HACL2: variants seen among roughly 807,000 people sequenced by gnomAD.
The protein encoded by HACL2 is 2-hydroxyacyl-CoA lyase 1 like.
chr19:15,117,964 C>T, the HACL2 span: 1 of 1,614,072 alleles, frequency 6.2e-7, no homozygotes. Context: ...GATGATCTTG[C>T]TGCTGTGGCT....
At chr19:15,125,561 G>A in the HACL2 span, 3 of 157,358 alleles carry the variant, frequency 1.9e-5, no homozygotes, top group South Asian at 1.7e-4. Flanking sequence ...GCACGGGCCC[G>A]AGCCTGATCC....
At chr19:15,119,968 G>A in the HACL2 span, 1 of 1,535,524 alleles carries the variant, frequency 6.5e-7, no homozygotes, top group Non-Finnish European at 8.8e-7. Flanking sequence ...AGACACAAAA[G>A]AGAGGCAATT....
chr19:15,122,520 A>G, the HACL2 span, among the ~76,000 whole-genome samples: 6 of 152,018 alleles, frequency 3.9e-5, no homozygotes, highest in Non-Finnish European at 7.4e-5. This position sits in a 1 kb window ranked among gnomAD's most constrained non-coding sequence, Gnocchi z 4.0. Flanking sequence ...CTACCCACCC[A>G]GTTCATTCCT....
chr19:15,122,818 G>A, the HACL2 span: 1 of 1,614,010 alleles, frequency 6.2e-7, no homozygotes, highest in Non-Finnish European at 8.5e-7. This position sits in a 1 kb window ranked among gnomAD's most constrained non-coding sequence, Gnocchi z 4.0. Flanking sequence ...CAGGGACAGG[G>A]AGGACGCTGA....
the HACL2 span, among the ~76,000 whole-genome samples, chr19:15,118,849 C>T: frequency 1.3e-5 from 2 of 152,216 alleles, no homozygotes; most frequent in African/African-American, 4.8e-5. Context: ...TGGATCAGCA[C>T]AGCTGCCTTC....
At chr19:15,125,292 G>C in the HACL2 span, 13 of 562,636 alleles carry the variant, frequency 2.3e-5, no homozygotes, top group Non-Finnish European at 3.8e-5. Flanking sequence ...GCTAGCCCCA[G>C]TCCTTTACAT....
At chr19:15,116,127 G>A in the HACL2 span, 1 of 1,613,136 alleles carries the variant, frequency 6.2e-7, no homozygotes, top group Non-Finnish European at 8.5e-7. Context: ...GGTGCCCACT[G>A]CCCCAGGCGG....
At chr19:15,125,761 G>C in the HACL2 span, 6 of 152,268 alleles carry the variant, frequency 3.9e-5, no homozygotes, top group African/African-American at 1.4e-4. Flanking sequence ...GCTCAGCGGC[G>C]CCCCGTAGTC....
chr19:15,119,200 C>G, the HACL2 span: 1 of 1,598,790 alleles, frequency 6.3e-7, no homozygotes, highest in Non-Finnish European at 8.5e-7. Context: ...TCTTCAGGGC[C>G]GCACTGCGGT....
the HACL2 span, chr19:15,118,043 G>T: frequency 6.2e-7 from 1 of 1,613,418 alleles, no homozygotes; most frequent in Non-Finnish European, 8.5e-7. Context: ...AATGCAGTAG[G>T]CAGAGGCCCC....
the HACL2 span, chr19:15,119,036 C>A: frequency 9.6e-7 from 1 of 1,046,222 alleles, no homozygotes; most frequent in Non-Finnish European, 1.3e-6. Context: ...GGGTTCAAAG[C>A]GCTTTATGTG....
the HACL2 span, chr19:15,118,116 C>G: frequency 2.7e-6 from 4 of 1,472,098 alleles, no homozygotes; most frequent in Non-Finnish European, 2.8e-6. Context: ...CTGTTCCTCA[C>G]CGAGTCTCCC....
chr19:15,120,806 G>A, the HACL2 span, among the ~76,000 whole-genome samples: 5 of 152,120 alleles, frequency 3.3e-5, no homozygotes, highest in Non-Finnish European at 4.4e-5. Flanking sequence ...GGGAAGCCCC[G>A]CAAGTAAAGA....
chr19:15,120,367 G>A, the HACL2 span, among the ~76,000 whole-genome samples: 1 of 152,216 alleles, frequency 6.6e-6, no homozygotes, highest in Non-Finnish European at 1.5e-5. Flanking sequence ...CAACAGATGT[G>A]AGCTCAAGTC....
At chr19:15,118,089 T>C in the HACL2 span, 9 of 1,569,838 alleles carry the variant, frequency 5.7e-6, no homozygotes, top group Admixed American at 1.5e-4. Flanking sequence ...TGTGGTGGAC[T>C]GGATGCAAAT....
the HACL2 span, among the ~76,000 whole-genome samples, chr19:15,122,535 C>T: frequency 6.6e-6 from 1 of 152,146 alleles, no homozygotes; most frequent in Admixed American, 6.5e-5. The surrounding 1 kb of genome is among the most constrained non-coding windows in gnomAD (Gnocchi z 4.0). Context: ...ATTCCTGCCT[C>T]AGGACCTTTG....
At chr19:15,123,111 G>C in the HACL2 span, 2 of 1,613,366 alleles carry the variant, frequency 1.2e-6, no homozygotes, top group African/African-American at 2.7e-5. This position sits in a 1 kb window ranked among gnomAD's most constrained non-coding sequence, Gnocchi z 5.1. Context: ...CCAAGGACTG[G>C]GTACCTGCAG....
At chr19:15,120,458 A>G in the HACL2 span, among the ~76,000 whole-genome samples, 6 of 152,190 alleles carry the variant, frequency 3.9e-5, no homozygotes, top group Non-Finnish European at 7.3e-5. Flanking sequence ...CAATGTAAAT[A>G]TGAACCTCCC....
chr19:15,124,434 ATC>A, the HACL2 span: 1 of 155,400 alleles, frequency 6.4e-6, no homozygotes, highest in African/African-American at 2.4e-5. Context: ...CCACCACACA[ATC>A]TCTCTGAGCC....
Sources: gnomAD v4.1 joint callset for allele counts (sites outside exome capture counted in the v4.1 genomes callset) on GRCh38, gnomAD v4.1.1 for gene constraint, Gnocchi (gnomAD v3.1) non-coding constraint, MANE v1.5 for transcripts, NCBI Gene and HGNC (gene_info 2026-07-23, HGNC 2026-07-21) for gene names.